Variants in RGSL1 observed in about 807,000 individuals in gnomAD.
The protein encoded by RGSL1 is regulator of G protein signaling like 1.
A neutral mutation model predicts 124.7 loss-of-function variants in RGSL1; 97 were observed. That is an observed-to-expected ratio of 0.78 (90% CI 0.66 to 0.92). The LOEUF (loss-of-function observed/expected upper bound fraction) is 0.92, where lower values mean the gene tolerates loss of function less well. Ranked by LOEUF, RGSL1 falls within the 40% of genes least tolerant of loss-of-function variation. RGSL1 has a pLI of 0.00. For synonymous variants in RGSL1, 424 were observed against 438.1 expected (o/e 0.97, Z 0.40); for missense variants, 1,233 against 1,288.4 (o/e 0.96, Z 0.66).
At chr1:182,484,306 G>C (rs1294999717) in intron 6 of RGSL1, among the ~76,000 whole-genome samples, 1 of 152,036 alleles carries the variant, frequency 6.6e-6, no homozygotes, top group African/African-American at 2.4e-5. Context: ...TTAGGCCCAG[G>C]GGTGTGACTA....
At chr1:182,491,804 G>A (rs1655544742) in intron 8 of RGSL1, among the ~76,000 whole-genome samples, 1 of 152,032 alleles carries the variant, frequency 6.6e-6, no homozygotes, top group Non-Finnish European at 1.5e-5. Context: ...GGAGAACTCT[G>A]TGCATTTAGA....
chr1:182,499,081 C>T (rs1035381550), intron 9 of RGSL1, among the ~76,000 whole-genome samples: 5 of 152,170 alleles, frequency 3.3e-5, no homozygotes, highest in Admixed American at 6.5e-5. Flanking sequence ...GCGCGAGCCC[C>T]GGCACCTGGC....
At chr1:182,531,046 T>A in intron 13 of RGSL1, 136 bp downstream of exon 13, 1 of 1,016,994 alleles carries the variant, frequency 9.8e-7, no homozygotes, top group Non-Finnish European at 1.4e-6. Flanking sequence ...TTTAAGCAAG[T>A]CCCTCTCTTC....
intron 14 of RGSL1, among the ~76,000 whole-genome samples, chr1:182,534,701 C>A (rs572162755): frequency 3.1e-4 from 47 of 152,136 alleles, no homozygotes; most frequent in South Asian, 1.7e-3. Flanking sequence ...GTGGTGTGCA[C>A]CTGTAATCCC....
At chr1:182,527,815 G>A in intron 11 of RGSL1, 43 bp downstream of exon 11, 1 of 1,476,938 alleles carries the variant, frequency 6.8e-7, no homozygotes, top group Non-Finnish European at 9.1e-7. Flanking sequence ...TCTCTTTAGT[G>A]TCTTAGGAGA....
At chr1:182,472,682 G>A in intron 5 of RGSL1, 125 bp downstream of exon 5, 1 of 1,018,016 alleles carries the variant, frequency 9.8e-7, no homozygotes, top group Non-Finnish European at 1.4e-6. Flanking sequence ...TATCAGAGAG[G>A]CTAGTGGCAA....
At chr1:182,503,122 A>G (rs1656524047) in intron 9 of RGSL1, among the ~76,000 whole-genome samples, 1 of 152,200 alleles carries the variant, frequency 6.6e-6, no homozygotes, top group Non-Finnish European at 1.5e-5. Context: ...CTAAAAATAG[A>G]GCTATCATAT....
At chr1:182,489,614 T>A (rs749654709) in intron 8 of RGSL1, among the ~76,000 whole-genome samples, 41 of 152,326 alleles carry the variant, frequency 2.7e-4, no homozygotes, top group Non-Finnish European at 5.0e-4. Flanking sequence ...TGAACATATT[T>A]TACAGTCACC....
intron 21 of RGSL1, among the ~76,000 whole-genome samples, chr1:182,558,243 G>A (rs187313882): frequency 3.3e-5 from 5 of 151,990 alleles, no homozygotes; most frequent in Admixed American, 3.3e-4. Context: ...GGTCTAGTTT[G>A]AATAAAAAAT....
At chr1:182,508,755 G>A (rs955877215) in intron 9 of RGSL1, among the ~76,000 whole-genome samples, 3 of 133,970 alleles carry the variant, frequency 2.2e-5, no homozygotes, top group African/African-American at 5.7e-5. Flanking sequence ...GCAGGGTCAT[G>A]GGACAATAGT....
chr1:182,507,509 C>T lies in RGSL1; in HGVS notation c.1825+14380C>T, dbSNP rs138817787. Among the ~76,000 whole-genome samples the T allele has an allele frequency of 3.2e-3, 493 of 152,264 alleles. 1 individual carries two copies. Among genetic ancestry groups the T allele is most frequent in the South Asian group, 5.6e-3 (27 of 4,828 alleles). Reference sequence around the variant, plus strand: ...GTCTTTCTGTGCTTGGCTTATTTCACGTAACATAGTGACCACCAGTTTCAT... The same window carrying T: ...GTCTTTCTGTGCTTGGCTTATTTCATGTAACATAGTGACCACCAGTTTCAT... On this transcript the variant is annotated intron_variant, in intron 9 of 21. Coordinates refer to ENST00000294854, the MANE Select transcript of RGSL1 (RefSeq NM_001137669.2).
intron 9 of RGSL1, among the ~76,000 whole-genome samples, chr1:182,512,554 G>A (rs748933336): frequency 4.6e-5 from 7 of 152,136 alleles, no homozygotes; most frequent in African/African-American, 7.2e-5. Context: ...CCGGCCCCAC[G>A]GTAGCTTCTA....
chr1:182,502,528 A>G (rs1656473653), intron 9 of RGSL1, among the ~76,000 whole-genome samples: 1 of 152,166 alleles, frequency 6.6e-6, no homozygotes. Flanking sequence ...GTGACCTATG[A>G]TCATGCCACA....
At chr1:182,513,341 T>C (rs1657608843) in intron 9 of RGSL1, among the ~76,000 whole-genome samples, 1 of 152,216 alleles carries the variant, frequency 6.6e-6, no homozygotes, top group Non-Finnish European at 1.5e-5. Flanking sequence ...GCCTGACCAT[T>C]TGGAGTTTGA....
intron 15 of RGSL1, among the ~76,000 whole-genome samples, chr1:182,546,497 G>T (rs1274061647): frequency 6.6e-6 from 1 of 152,062 alleles, no homozygotes; most frequent in Non-Finnish European, 1.5e-5. Flanking sequence ...GGGTTCAAGC[G>T]ATTCTCTTGC....
chr1:182,552,793 G>A (rs901032440), intron 18 of RGSL1, among the ~76,000 whole-genome samples: 1 of 152,226 alleles, frequency 6.6e-6, no homozygotes, highest in African/African-American at 2.4e-5. Flanking sequence ...AAGGGCAAGA[G>A]AGTGTGAGAG....
chr1:182,553,945 C>T (rs1285194464), intron 19 of RGSL1, among the ~76,000 whole-genome samples: 1 of 152,192 alleles, frequency 6.6e-6, no homozygotes, highest in East Asian at 1.9e-4. Context: ...CACACCATTT[C>T]ATACCTCCTG....
At chr1:182,557,796 ATT>A (rs1660947499) in intron 21 of RGSL1, among the ~76,000 whole-genome samples, 3 of 152,132 alleles carry the variant, frequency 2.0e-5, no homozygotes, top group Admixed American at 2.0e-4. Flanking sequence ...AGTTTTGTTG[ATT>A]GCTTCTTTCG....
chr1:182,519,834 T>C (rs964883120), intron 9 of RGSL1, among the ~76,000 whole-genome samples: 1 of 152,172 alleles, frequency 6.6e-6, no homozygotes, highest in Non-Finnish European at 1.5e-5. Context: ...TTGTGTATAA[T>C]CTGTCATTCG....
Sources: gnomAD v4.1 joint callset for allele counts (sites outside exome capture counted in the v4.1 genomes callset) on GRCh38, gnomAD v4.1.1 for gene constraint, MANE v1.5 for transcripts, NCBI Gene and HGNC (gene_info 2026-07-23, HGNC 2026-07-21) for gene names.